Variants in CAMK2B observed in about 807,000 individuals in gnomAD.
CAMK2B encodes the protein calcium/calmodulin-dependent protein kinase type II subunit beta.
In CAMK2B, 27 loss-of-function variants were observed where a neutral mutation model predicts 93.7. The ratio of observed to expected loss-of-function variants is 0.29; its 90% CI spans 0.21 to 0.40. CAMK2B has a LOEUF of 0.40. Among genes scored for constraint, CAMK2B ranks in the 10% least tolerant of loss-of-function variants. The pLI is 1.00. For missense variants in CAMK2B, 568 were observed against 895.8 expected, an observed-to-expected ratio of 0.63 and a Z score of 4.67; for synonymous variants, 374 against 358.8, an observed-to-expected ratio of 1.04 and a Z score of -0.48.
rs117549424 is a variant in CAMK2B at position 44,297,792 on chromosome 7, A to T, written c.66-13567T>A. 5.6e-3 allele frequency among the ~76,000 whole-genome samples: 846 copies of T among 152,292 alleles called. 8 individuals carry two copies. The highest frequency in any genetic ancestry group is 0.02 in the Middle Eastern group (6 of 294). ...GTCAAAATAATCTTGAAAAAGAAAA[A>T]CAAAGTTGGGGGACTCACATTTCCT... On this transcript the variant is annotated intron_variant, in intron 1 of 23. Coordinates refer to ENST00000395749, the MANE Select transcript of CAMK2B (RefSeq NM_001220.5).
At position 44,298,448 on chromosome 7, in the gene CAMK2B, A is replaced by G. The variant is rs561408006; in HGVS notation, c.66-14223T>C. The stretch of plus-strand genomic sequence containing the variant: ...AATTACAAAACACTTAGAAGAAAAC[A>G]TAGGTGGAAATCTTCATAACATTGG... On this transcript the variant is annotated intron_variant, in intron 1 of 23. Transcript: ENST00000395749. Among the ~76,000 whole-genome samples the G allele has an allele frequency of 1.2e-4, 19 of 152,360 alleles. No homozygotes were observed. In the East Asian group the frequency reaches 3.7e-3, roughly 29 times the overall value.
chr7:44,256,710 T>A (rs920358499), intron 4 of CAMK2B, among the ~76,000 whole-genome samples: 4 of 152,200 alleles, frequency 2.6e-5, no homozygotes, highest in Non-Finnish European at 5.9e-5. Flanking sequence ...GGCCTTACGG[T>A]CTTGAGCCAG....
chr7:44,312,782 A>G lies in CAMK2B; in HGVS notation c.65+12575T>C, dbSNP rs1224123231. On this transcript the variant is annotated intron_variant, in intron 1 of 23. Transcript: ENST00000395749. The surrounding 1 kb of genome is among the most constrained non-coding windows in gnomAD (Gnocchi z 4.1). Reference sequence around the variant, plus strand: ...TCAAGATAAGAATTTGTGAATGTCAATCAGAGAATAAAAATGTAAGAATAA... The same window carrying G: ...TCAAGATAAGAATTTGTGAATGTCAGTCAGAGAATAAAAATGTAAGAATAA... Among the ~76,000 whole-genome samples, 4 of 152,214 alleles carry G rather than the reference A, an allele frequency of 2.6e-5. No individual in the cohort carries two copies. Among genetic ancestry groups the G allele is most frequent in the Admixed American group, 1.3e-4 (2 of 15,290 alleles).
rs1230108115 is a variant in CAMK2B at position 44,220,692 on chromosome 7, C to A, written c.1692G>T (p.Gly564=). ...FEAYAKICDP[G]LTSFEPEALG... Reference sequence around the variant, plus strand: ...GTGCTTCAGGCTCAAACGAGGTCAGCCCTGGGTCACAGATTTTCCTGGGGG... The same window carrying A: ...GTGCTTCAGGCTCAAACGAGGTCAGACCTGGGTCACAGATTTTCCTGGGGG... The change falls in exon 22 of 24, where the codon GGG becomes GGT. Residue 564 remains glycine (G), a synonymous_variant. Coordinates refer to ENST00000395749, the MANE Select transcript of CAMK2B (RefSeq NM_001220.5). The A allele has an allele frequency of 3.1e-6, 5 of 1,612,594 alleles. No individual in the cohort carries two copies. Among genetic ancestry groups the A allele is most frequent in the Non-Finnish European group, 4.2e-6 (5 of 1,179,558 alleles).
At position 44,226,458 on chromosome 7, in the gene CAMK2B, C is replaced by T. The variant is rs369674487; in HGVS notation, c.1597+58G>A. The T allele has an allele frequency of 6.5e-4, 859 of 1,321,118 alleles. 2 individuals carry two copies. The highest frequency in any genetic ancestry group is 8.0e-4 in the Non-Finnish European group (819 of 1,024,792). 81.8% of individuals were successfully genotyped at this position (1,321,118 alleles called of 1,614,324 possible). A position where few individuals can be genotyped will look rare whatever the true frequency, so the allele number is the denominator to read the frequency against. ...CTTCCCAGAGCACCACTGCCAGGCTCGCACGCCCCGAGCCCCTCCGGGCAG... is the reference window on the plus strand; with the variant it reads ...CTTCCCAGAGCACCACTGCCAGGCTTGCACGCCCCGAGCCCCTCCGGGCAG... On this transcript the variant is annotated intron_variant, in intron 20 of 23. Coordinates refer to ENST00000395749, the MANE Select transcript of CAMK2B (RefSeq NM_001220.5).
intron 1 of CAMK2B, among the ~76,000 whole-genome samples, chr7:44,313,934 A>G (rs1307986167): frequency 6.6e-6 from 1 of 151,812 alleles, no homozygotes; most frequent in African/African-American, 2.4e-5. Context: ...AGGCTGGTTC[A>G]AAGAAGGTGG....
chr7:44,229,300 A>C (rs939740024), intron 18 of CAMK2B, 88 bp downstream of exon 18: 7 of 853,774 alleles, frequency 8.2e-6, no homozygotes, highest in Non-Finnish European at 1.1e-5. Flanking sequence ...GTCCACGCTC[A>C]GCCTGCCCTC....
chr7:44,245,237 A>G lies in CAMK2B; in HGVS notation c.415-1710T>C, dbSNP rs555639596. On this transcript the variant is annotated intron_variant, in intron 6 of 23. Coordinates refer to ENST00000395749, the MANE Select transcript of CAMK2B (RefSeq NM_001220.5). Reference sequence around the variant, plus strand: ...TGTGCCCACCCCTGCTAGGCCACCCAGTGATGCCCCCACCCTGGCTCTTTT... The same window carrying G: ...TGTGCCCACCCCTGCTAGGCCACCCGGTGATGCCCCCACCCTGGCTCTTTT... 2.6e-5 allele frequency among the ~76,000 whole-genome samples: 4 copies of G among 152,218 alleles called. No individual in the cohort carries two copies. In the South Asian group the frequency reaches 6.2e-4, roughly 24 times the overall value.
At position 44,234,670 on chromosome 7, in the gene CAMK2B, C is replaced by T. The variant is rs773451547; in HGVS notation, c.1028G>A (p.Ser343Asn). ...TTMGLVEQAKSLLNKKADGVK... is the reference protein window; with the variant it reads ...TTMGLVEQAKNLLNKKADGVK... ...TCCATCTGCTTTCTTGTTGAGTAAA[C>T]TCTTGGCTGCTGCATGGGGAGGAAG... is the stretch of plus-strand genomic sequence containing the variant. The change falls in exon 14 of 24, where the codon AGT becomes AAT. Residue 343 changes from serine to asparagine, a missense_variant. Ser to Asn is a conservative substitution (Grantham distance 46, BLOSUM62 1). Coordinates refer to ENST00000395749, the MANE Select transcript of CAMK2B (RefSeq NM_001220.5). The T allele has an allele frequency of 6.2e-7, 1 of 1,614,102 alleles. No individual in the cohort carries two copies. Among genetic ancestry groups the T allele is most frequent in the Non-Finnish European group, 8.5e-7 (1 of 1,179,944 alleles).
At chr7:44,317,330 A>C (rs1795047151) in intron 1 of CAMK2B, among the ~76,000 whole-genome samples, 1 of 152,100 alleles carries the variant, frequency 6.6e-6, no homozygotes, top group South Asian at 2.1e-4. Context: ...CCATGTAGTC[A>C]TAAGAACCTG....
intron 13 of CAMK2B, among the ~76,000 whole-genome samples, chr7:44,235,422 T>A (rs1562844028): frequency 6.6e-6 from 1 of 152,082 alleles, no homozygotes; most frequent in Admixed American, 6.5e-5. Flanking sequence ...CCCTCAGAGG[T>A]CAGAGGGGCC....
intron 5 of CAMK2B, among the ~76,000 whole-genome samples, chr7:44,250,494 G>A (rs1322612725): frequency 1.3e-5 from 2 of 151,470 alleles, no homozygotes; most frequent in African/African-American, 4.9e-5. Context: ...CATTGCACCA[G>A]GTCCCTTCAG....
chr7:44,280,046 C>T (rs2129086816), intron 2 of CAMK2B, among the ~76,000 whole-genome samples: 1 of 152,322 alleles, frequency 6.6e-6, no homozygotes, highest in East Asian at 1.9e-4. Context: ...TCTGTGTCCT[C>T]CGTGTAAACC....
intron 1 of CAMK2B, among the ~76,000 whole-genome samples, chr7:44,314,612 T>C (rs1794397919): frequency 6.6e-6 from 1 of 152,258 alleles, no homozygotes; most frequent in African/African-American, 2.4e-5. Context: ...TGTGGACATA[T>C]GTTTTCATAG....
chr7:44,276,825 C>T (rs2097049493), intron 2 of CAMK2B, among the ~76,000 whole-genome samples: 1 of 152,214 alleles, frequency 6.6e-6, no homozygotes. Flanking sequence ...CTCCACATCC[C>T]GGCTCTGCTA....
At chr7:44,288,263 C>T (rs1439864514) in intron 1 of CAMK2B, among the ~76,000 whole-genome samples, 1 of 152,264 alleles carries the variant, frequency 6.6e-6, no homozygotes, top group Non-Finnish European at 1.5e-5. Context: ...GTCTTCTTAT[C>T]TGGAAGCACG....
intron 17 of CAMK2B, 136 bp from the exon 18 acceptor site, chr7:44,229,637 G>A (rs2096559266): frequency 7.6e-6 from 2 of 263,028 alleles, no homozygotes; most frequent in Non-Finnish European, 1.2e-5. Context: ...GGGTGGAGGT[G>A]GGGTGGCCAC....
chr7:44,255,401 G>A (rs1227168619), intron 4 of CAMK2B, among the ~76,000 whole-genome samples: 1 of 152,180 alleles, frequency 6.6e-6, no homozygotes, highest in Non-Finnish European at 1.5e-5. Context: ...GTAGGACGGA[G>A]CCCTCTGCAG....
intron 1 of CAMK2B, chr7:44,323,857 CG>C (rs1392856806): frequency 6.2e-6 from 1 of 161,258 alleles, no homozygotes; most frequent in Non-Finnish European, 1.4e-5. Context: ...AGAGGACAGA[CG>C]GGGGTAGATC....
Sources: allele counts gnomAD v4.1 joint callset (sites outside exome capture counted in the v4.1 genomes callset), GRCh38; gene constraint gnomAD v4.1.1; non-coding constraint Gnocchi (gnomAD v3.1); transcripts MANE v1.5; gene names NCBI Gene and HGNC (gene_info 2026-07-23, HGNC 2026-07-21).